DDB1: variants seen among roughly 807,000 people sequenced by gnomAD.
DDB1 encodes the protein DNA damage-binding protein 1.
DDB1 carries 18 observed loss-of-function variants against 133.1 expected under a neutral mutation model. The ratio of observed to expected loss-of-function variants is 0.14; its 90% CI spans 0.09 to 0.20. The LOEUF is 0.20. Among genes scored for constraint, DDB1 ranks in the 10% least tolerant of loss-of-function variants. The pLI is 1.00. For synonymous variants in DDB1, 580 were observed against 550.5 expected, an observed-to-expected ratio of 1.05 and a Z score of -0.75; for missense variants, 828 against 1,459.2, an observed-to-expected ratio of 0.57 and a Z score of 7.05.
intron 7 of DDB1, 102 bp from the exon 8 acceptor site, chr11:61,323,196 A>T: frequency 1.1e-6 from 1 of 890,304 alleles, no homozygotes. Flanking sequence ...TCCCAACTGC[A>T]GCCATAATTC....
At chr11:61,322,240 G>C in intron 9 of DDB1, 56 bp downstream of exon 9, 1 of 1,359,918 alleles carries the variant, frequency 7.4e-7, no homozygotes, top group Non-Finnish European at 1.1e-6. Flanking sequence ...GCATAGCTAG[G>C]AGGACACAGT....
intron 10 of DDB1, among the ~76,000 whole-genome samples, chr11:61,318,186 T>C (rs1856121842): frequency 6.6e-6 from 1 of 152,252 alleles, no homozygotes; most frequent in African/African-American, 2.4e-5. Flanking sequence ...ATTGTGTAAA[T>C]CATTTATCTA....
At chr11:61,323,560 A>G (rs986221147) in intron 7 of DDB1, 1 of 243,028 alleles carries the variant, frequency 4.1e-6, no homozygotes, top group Non-Finnish European at 8.1e-6. Context: ...CTACAGGCAC[A>G]CACCACCATA....
chr11:61,303,590 G>A (rs1190797024), intron 22 of DDB1, among the ~76,000 whole-genome samples: 1 of 149,712 alleles, frequency 6.7e-6, no homozygotes, highest in Admixed American at 6.7e-5. Flanking sequence ...CGTAGTCCCA[G>A]TTACTTGGGA....
chr11:61,318,723 T>A (rs560551941), intron 10 of DDB1, among the ~76,000 whole-genome samples: 8 of 152,236 alleles, frequency 5.3e-5, no homozygotes, highest in Non-Finnish European at 1.2e-4. Flanking sequence ...TTTATATAGT[T>A]GGAATTTATC....
At chr11:61,317,950 A>G (rs951955287) in intron 10 of DDB1, among the ~76,000 whole-genome samples, 32 of 152,178 alleles carry the variant, frequency 2.1e-4, no homozygotes, top group Non-Finnish European at 3.5e-4. Flanking sequence ...ATGTTGCTCC[A>G]GTCTGGCCTC....
chr11:61,316,708 A>T, intron 10 of DDB1, 141 bp from the exon 11 acceptor site: 1 of 873,336 alleles, frequency 1.1e-6, no homozygotes, highest in South Asian at 1.5e-5. Context: ...GACTGCTTGG[A>T]ACCAGGAGTT....
intron 21 of DDB1, among the ~76,000 whole-genome samples, chr11:61,305,276 AG>A (rs913392085): frequency 1.3e-5 from 2 of 152,274 alleles, no homozygotes; most frequent in Non-Finnish European, 2.9e-5. Context: ...TGGGAGGCCA[AG>A]GCAGGCGGAT....
At position 61,310,308 on chromosome 11, in the gene DDB1, T is replaced by C. The variant is rs890375332; in HGVS notation, c.2388A>G (p.Gln796=). The C allele has an allele frequency of 1.9e-6, 3 of 1,611,184 alleles. No individual in the cohort carries two copies. Among genetic ancestry groups the C allele is most frequent in the Admixed American group, 3.3e-5 (2 of 59,732 alleles). Residue 796 remains glutamine, a synonymous_variant, in exon 19 of 27, where the codon CAA becomes CAG. Coordinates refer to ENST00000301764, the MANE Select transcript of DDB1 (RefSeq NM_001923.5). ...VEVHNLLIID[Q]HTFEVLHAHQ... ...GCTCATGTGCACCTTCAAAGGTGTGTTGGTCAATGATAAGTAGGTTGTGCA... is the reference window on the plus strand; with the variant it reads ...GCTCATGTGCACCTTCAAAGGTGTGCTGGTCAATGATAAGTAGGTTGTGCA...
chr11:61,300,165 C>T lies in DDB1; in HGVS notation c.3394G>A (p.Val1132Ile), dbSNP rs868847308. 6.2e-7 allele frequency: 1 copy of T among 1,614,202 alleles called. No individual in the cohort carries two copies. Among genetic ancestry groups the T allele is most frequent in the Non-Finnish European group, 8.5e-7 (1 of 1,180,036 alleles). ...TGGATCCGAGTTAGCTCCTCCACAACCTTGATGAGGTCGTCTGCAGTGGCC... is the reference window on the plus strand; with the variant it reads ...TGGATCCGAGTTAGCTCCTCCACAATCTTGATGAGGTCGTCTGCAGTGGCC... Reference protein sequence around the residue: ...REATADDLIKVVEELTRIH With the variant: ...REATADDLIKIVEELTRIH Residue 1132 changes from valine (V) to isoleucine (I), a missense_variant, in exon 27 of 27, where the codon GTT becomes ATT. Val to Ile is a conservative substitution (Grantham distance 29). Around this residue, in one of 7 missense-constraint regions of DDB1, gnomAD observed 116 missense variants for 221.6 expected, o/e 0.52. Coordinates refer to ENST00000301764, the MANE Select transcript of DDB1 (RefSeq NM_001923.5).
chr11:61,331,871 T>C (rs2134944782), intron 1 of DDB1, 180 bp from the exon 2 acceptor site: 5 of 733,250 alleles, frequency 6.8e-6, no homozygotes, highest in Non-Finnish European at 1.1e-5. Context: ...TCTCAGTTCA[T>C]GCATTCAACA....
rs1387562315 is a variant in DDB1 at position 61,330,669 on chromosome 11, G to GT, written c.211-596dup. On this transcript the variant is annotated intron_variant, in intron 2 of 26. Transcript: ENST00000301764. ...ATGGTAATTGTTTTTTTTGTTTGGT[G>GT]TTTTTTTTTTTGGAGATGGAGTCTC... Among the ~76,000 whole-genome samples, 1,176 of 146,096 alleles carry GT rather than the reference G, an allele frequency of 8.0e-3. 11 individuals are homozygous for GT. The highest frequency in any genetic ancestry group is 0.034 in the South Asian group (159 of 4,644).
Position 61,333,033 on chromosome 11 carries a change from A to C in DDB1, c.-65T>G. 1 of 1,397,812 alleles carries C rather than the reference A, an allele frequency of 7.2e-7. No homozygotes were observed. The highest frequency in any genetic ancestry group is 9.5e-7 in the Non-Finnish European group (1 of 1,047,940). The allele number at this position is 1,397,812 out of a possible 1,614,324, so 86.6% of individuals were successfully genotyped here. On this transcript the variant is annotated 5_prime_UTR_variant, in exon 1 of 27. Coordinates refer to ENST00000301764, the MANE Select transcript of DDB1 (RefSeq NM_001923.5). Reference sequence around the variant, plus strand: ...ACTAGAAAGAGGGACACAAGCGAAAAGACAGGTGGCCCCCAACAGCGCGCA... The same window carrying C: ...ACTAGAAAGAGGGACACAAGCGAAACGACAGGTGGCCCCCAACAGCGCGCA...
At chr11:61,328,563 C>T (rs1195763535) in intron 4 of DDB1, among the ~76,000 whole-genome samples, 1 of 152,124 alleles carries the variant, frequency 6.6e-6, no homozygotes, top group Non-Finnish European at 1.5e-5. Flanking sequence ...TTTAGGCAGA[C>T]TAAAATAGAA....
chr11:61,317,609 C>A (rs539527903), intron 10 of DDB1, among the ~76,000 whole-genome samples: 1 of 152,068 alleles, frequency 6.6e-6, no homozygotes, highest in Non-Finnish European at 1.5e-5. Context: ...CGGGTTCAAG[C>A]GATTCTCCTG....
intron 26 of DDB1, 80 bp downstream of exon 26, chr11:61,300,729 G>A: frequency 6.4e-7 from 1 of 1,574,462 alleles, no homozygotes; most frequent in Non-Finnish European, 8.6e-7. Context: ...GAGGAGGAGA[G>A]GTGCCCAGAG....
intron 1 of DDB1, chr11:61,332,701 C>A: frequency 2.3e-6 from 1 of 435,096 alleles, no homozygotes; most frequent in Non-Finnish European, 4.0e-6. Context: ...GAAAGGGGAC[C>A]CTCGAGAGCG....
At chr11:61,316,714 G>C in intron 10 of DDB1, 147 bp from the exon 11 acceptor site, 1 of 838,380 alleles carries the variant, frequency 1.2e-6, no homozygotes, top group South Asian at 1.5e-5. Flanking sequence ...TTGGAACCAG[G>C]AGTTCTAGAC....
intron 21 of DDB1, 125 bp downstream of exon 21, chr11:61,308,858 C>T: frequency 1.1e-6 from 1 of 924,800 alleles, no homozygotes; most frequent in Non-Finnish European, 1.7e-6. Context: ...GCTCTATCCT[C>T]CACACCCGCT....
Sources: gnomAD v4.1 joint callset for allele counts (sites outside exome capture counted in the v4.1 genomes callset) on GRCh38, gnomAD v4.1.1 for gene constraint, gnomAD v4.1.1 regional missense constraint, MANE v1.5 for transcripts, NCBI Gene and HGNC (gene_info 2026-07-23, HGNC 2026-07-21) for gene names.